Variants in USB1 observed in about 807,000 individuals in gnomAD.
The protein encoded by USB1 is U6 snRNA phosphodiesterase 1.
In USB1, 21 loss-of-function variants were observed where a neutral mutation model predicts 29.9. That is an observed-to-expected ratio of 0.70 (90% CI 0.50 to 1.01). USB1 has a LOEUF of 1.01. USB1 is among the 50% of genes least tolerant of loss of function. The pLI is 0.00. For synonymous variants in USB1, 143 were observed against 134.9 expected, an observed-to-expected ratio of 1.06 and a Z score of -0.42; for missense variants, 330 against 347.1, an observed-to-expected ratio of 0.95 and a Z score of 0.39.
At chr16:58,019,725 A>T (rs550268887) in intron 6 of USB1, among the ~76,000 whole-genome samples, 1 of 152,350 alleles carries the variant, frequency 6.6e-6, no homozygotes, top group Admixed American at 6.5e-5. Flanking sequence ...GTCAGTTTTC[A>T]AATGTCAGCA....
At chr16:58,020,055 G>A (rs748907589) in intron 6 of USB1, 86 bp from the exon 7 acceptor site, 169 of 1,330,736 alleles carry the variant, frequency 1.3e-4, no homozygotes, top group Non-Finnish European at 1.8e-4. Context: ...AGCCTCTGAA[G>A]TTGGGTGAGC....
chr16:58,019,015 C>T lies in USB1; in HGVS notation c.653C>T (p.Ala218Val), dbSNP rs1230519072. 1.2e-6 allele frequency: 2 copies of T among 1,614,132 alleles called. No individual in the cohort carries two copies. The highest frequency in any genetic ancestry group is 2.2e-5 in the East Asian group (1 of 44,874). Residue 218 changes from alanine to valine, a missense_variant, in exon 6 of 7, where the codon GCA (alanine) becomes GTA (valine). Physicochemically the swap from Ala to Val is moderately conservative, Grantham distance 64. Transcript: ENST00000219281. Reference protein sequence around the residue: ...HLSLAWCVGDARLQLEGQCLQ... With the variant: ...HLSLAWCVGDVRLQLEGQCLQ... ...AGCCTGGCCTGGTGTGTGGGTGATG[C>T]ACGTCTCCAGCTGGAGGGGCAGTGC...
intron 6 of USB1, among the ~76,000 whole-genome samples, chr16:58,019,706 A>T (rs755354653): frequency 2.6e-5 from 4 of 152,174 alleles, no homozygotes; most frequent in Non-Finnish European, 5.9e-5. Context: ...AGATTTTTAC[A>T]TGTAATCTGT....
At chr16:58,014,137 C>A in intron 3 of USB1, 136 bp from the exon 4 acceptor site, 1 of 728,678 alleles carries the variant, frequency 1.4e-6, no homozygotes, top group Non-Finnish European at 2.4e-6. Context: ...AGTATACCAC[C>A]TGCATAATGG....
rs1963510332 is a variant in USB1, at chr16:58,012,124, C to T, written c.449+2012C>T. On this transcript the variant is annotated intron_variant, in intron 3 of 6. Coordinates refer to ENST00000219281, the MANE Select transcript of USB1 (RefSeq NM_024598.4). ...GGCCCAGGAATTCCATAGGATGTCA[C>T]TGCCCAACTAGGAAACTGCTCAGTT... is the stretch of plus-strand genomic sequence containing the variant. The T allele has an allele frequency of 2.1e-6, 3 of 1,407,108 alleles. No homozygotes were observed. The African/African-American group carries it at 4.3e-5, about 20-fold the overall frequency. 87.2% of individuals were successfully genotyped at this position (1,407,108 alleles called of 1,614,324 possible).
chr16:58,019,282 C>T (rs1257356004), intron 6 of USB1, among the ~76,000 whole-genome samples: 1 of 152,104 alleles, frequency 6.6e-6, no homozygotes, highest in Non-Finnish European at 1.5e-5. Context: ...CCACCCCCAC[C>T]AAGACCTAAG....
At chr16:58,016,454 A>G (rs1245192621) in intron 4 of USB1, 2 of 152,602 alleles carry the variant, frequency 1.3e-5, no homozygotes, top group African/African-American at 4.8e-5. Flanking sequence ...TGGAGATAGA[A>G]ATGTGGGCAG....
In USB1 at chr16:58,017,366, A is replaced by T; in HGVS notation, c.536A>T (p.His179Leu). 6.2e-7 allele frequency: 1 copy of T among 1,614,252 alleles called. No homozygotes were observed. Among genetic ancestry groups the T allele is most frequent in the Non-Finnish European group, 8.5e-7 (1 of 1,180,040 alleles). ...TFIGLEVTSG[H>L]AQFLDLVSEV... is the part of the protein sequence containing the mutation. ...ATTGGGCTTGAGGTCACTTCAGGGC[A>T]TGCCCAGTTCCTGGACCTGGTTTCA... The change falls in exon 5 of 7, where the codon CAT (histidine) becomes CTT (leucine). Residue 179 changes from histidine to leucine, a missense_variant. Physicochemically the swap from His to Leu is moderately conservative, Grantham distance 99 (BLOSUM62 -3). Coordinates refer to ENST00000219281, the MANE Select transcript of USB1 (RefSeq NM_024598.4).
intron 1 of USB1, 107 bp downstream of exon 1, chr16:58,001,688 T>TGGGAAGGAAAAGGGGACGC: frequency 1.5e-6 from 2 of 1,303,392 alleles, no homozygotes; most frequent in Non-Finnish European, 2.2e-6. Flanking sequence ...GGGGCGGCTC[T>TGGGAAGGAAAAGGGGACGC]GGGAAGGAAA....
intron 1 of USB1, 105 bp downstream of exon 1, chr16:58,001,686 T>A: frequency 1.5e-6 from 2 of 1,310,584 alleles, no homozygotes; most frequent in Non-Finnish European, 2.2e-6. Flanking sequence ...GCGGGGCGGC[T>A]CTGGGAAGGA....
chr16:58,014,330 G>C lies in USB1; in HGVS notation c.503+4G>C, dbSNP rs1048756442. On this transcript the variant is annotated splice_donor_region_variant and intron_variant, in intron 4 of 6. Coordinates refer to ENST00000219281, the MANE Select transcript of USB1 (RefSeq NM_024598.4). ...ACACCAATCAAGAGAAAACCAGGTG[G>C]GTCCTCCCAACCCCCAATCACCATC... The C allele has an allele frequency of 3.1e-6, 5 of 1,612,552 alleles. No homozygotes were observed. Among genetic ancestry groups the C allele is most frequent in the Non-Finnish European group, 4.2e-6 (5 of 1,178,752 alleles).
At chr16:58,017,561 G>A in intron 5 of USB1, 122 bp downstream of exon 5, 1 of 885,788 alleles carries the variant, frequency 1.1e-6, no homozygotes, top group Non-Finnish European at 1.8e-6. Flanking sequence ...TCGGTGCTCT[G>A]AATGCCAGCC....
intron 2 of USB1, among the ~76,000 whole-genome samples, chr16:58,007,826 C>CA (rs1214249146): frequency 2.0e-5 from 3 of 151,094 alleles, no homozygotes; most frequent in Non-Finnish European, 3.0e-5. Context: ...TAAAAAAATA[C>CA]AAAAAAATTA....
chr16:58,011,939 G>A (rs761103063), intron 3 of USB1: 85 of 1,043,162 alleles, frequency 8.1e-5, no homozygotes, highest in Non-Finnish European at 8.9e-5. Flanking sequence ...ACTAGAAGGA[G>A]CCTAAGAAGC....
At chr16:58,020,075 T>C in intron 6 of USB1, 66 bp from the exon 7 acceptor site, 6 of 1,536,962 alleles carry the variant, frequency 3.9e-6, no homozygotes, top group Non-Finnish European at 5.4e-6. Flanking sequence ...CTGGTTTTGT[T>C]TGCAGTGCCC....
In USB1 at chr16:58,002,597, A is replaced by T; in HGVS notation, c.217A>T (p.Thr73Ser). The T allele has an allele frequency of 6.2e-7, 1 of 1,613,930 alleles. No homozygotes were observed. Among genetic ancestry groups the T allele is most frequent in the Non-Finnish European group, 8.5e-7 (1 of 1,180,006 alleles). The change falls in exon 2 of 7, where the codon ACC becomes TCC. Residue 73 changes from threonine (T) to serine (S), a missense_variant. By Grantham distance (58) the Thr-to-Ser change is moderately conservative. Transcript: ENST00000219281. ...DSTKHGGRVR[T>S]FPHERGNWAT... ...CACAAAACACGGGGGACGGGTGCGC[A>T]CCTTCCCCCACGAGCGAGGCAACTG... is the stretch of plus-strand genomic sequence containing the variant.
chr16:58,017,304 C>A (rs1267201300), intron 4 of USB1, 30 bp from the exon 5 acceptor site: 2 of 1,599,640 alleles, frequency 1.3e-6, no homozygotes, highest in East Asian at 2.2e-5. Flanking sequence ...GAGGCTACAT[C>A]TCATGCCTGC....
chr16:58,018,828 G>A, intron 5 of USB1, 144 bp from the exon 6 acceptor site: 1 of 795,492 alleles, frequency 1.3e-6, no homozygotes, highest in Non-Finnish European at 2.1e-6. Context: ...AGGGTGCTTG[G>A]GATCAACACT....
chr16:58,001,844 C>T (rs1467876588), intron 1 of USB1, among the ~76,000 whole-genome samples: 1 of 149,640 alleles, frequency 6.7e-6, no homozygotes, highest in African/African-American at 2.4e-5. Context: ...CCCACTCTAT[C>T]GCCTGGCACA....
Sources: gnomAD v4.1 joint callset for allele counts (sites outside exome capture counted in the v4.1 genomes callset) on GRCh38, gnomAD v4.1.1 for gene constraint, MANE v1.5 for transcripts, NCBI Gene and HGNC (gene_info 2026-07-23, HGNC 2026-07-21) for gene names.